The following PDXDC1 variants were observed in gnomAD, a reference collection of about 807,000 sequenced individuals.
PDXDC1 encodes pyridoxal dependent decarboxylase domain containing 1.
A neutral mutation model predicts 100.1 loss-of-function variants in PDXDC1; 42 were observed. That is an observed-to-expected ratio of 0.42 (90% CI 0.33 to 0.54). The LOEUF (loss-of-function observed/expected upper bound fraction) is 0.54. PDXDC1 is among the 20% of genes least tolerant of loss of function. The pLI, the probability that PDXDC1 is intolerant of heterozygous loss-of-function variation, is 0.10. For missense variants in PDXDC1, 636 were observed against 979.2 expected (o/e 0.65, Z 4.68); for synonymous variants, 260 against 371.7 (o/e 0.70, Z 3.46).
chr16:15,069,965 T>C (rs921376320), intron 16 of PDXDC1: 28 of 1,456,022 alleles, frequency 1.9e-5, no homozygotes, highest in Non-Finnish European at 1.8e-5. Context: ...CATGCAGTTT[T>C]CTGAATCCAG....
At chr16:15,104,601 G>C (rs779394782) in intron 16 of PDXDC1, 1 of 1,599,292 alleles carries the variant, frequency 6.3e-7, no homozygotes, top group Non-Finnish European at 8.5e-7. Context: ...CAGACACTCC[G>C]CAGGTGTCTT....
At chr16:15,146,481 G>A in the PDXDC1 span, among the ~76,000 whole-genome samples, 4 of 152,076 alleles carry the variant, frequency 2.6e-5, no homozygotes, top group Admixed American at 6.6e-5. Context: ...AGCCCCGCAC[G>A]TCTCACACAC....
intron 16 of PDXDC1, among the ~76,000 whole-genome samples, chr16:15,117,340 T>C (rs1164513635): frequency 7.9e-6 from 1 of 126,600 alleles, no homozygotes; most frequent in Non-Finnish European, 1.6e-5. Context: ...GTATGTACTT[T>C]CCAAAGTTAG....
At chr16:15,144,583 T>G in the PDXDC1 span, among the ~76,000 whole-genome samples, 1 of 151,954 alleles carries the variant, frequency 6.6e-6, no homozygotes, top group South Asian at 2.1e-4. Context: ...GGACACGGGG[T>G]GTGAGACTAG....
chr16:15,056,279 A>C (rs1026780726), intron 16 of PDXDC1, among the ~76,000 whole-genome samples: 7 of 152,186 alleles, frequency 4.6e-5, no homozygotes, highest in African/African-American at 1.4e-4. Flanking sequence ...AAAGCGTGGG[A>C]GTGAAGGAGC....
intron 8 of PDXDC1, among the ~76,000 whole-genome samples, chr16:15,013,337 A>C (rs1430956982): frequency 7.0e-6 from 1 of 143,178 alleles, no homozygotes; most frequent in East Asian, 2.3e-4. Flanking sequence ...CGACAGAGTG[A>C]GACCCTATCT....
At chr16:15,038,689 T>C, downstream of PDXDC1, 1 of 1,502,376 alleles carries the variant, frequency 6.7e-7, no homozygotes, top group Non-Finnish European at 9.2e-7. Flanking sequence ...GCTAATCATC[T>C]AAAAAAGAAC....
intron 3 of PDXDC1, among the ~76,000 whole-genome samples, chr16:14,999,533 A>T (rs1447537757): frequency 6.6e-6 from 1 of 152,210 alleles, no homozygotes; most frequent in Non-Finnish European, 1.5e-5. Flanking sequence ...ACATGGCGAG[A>T]CCCTATCAAA....
intron 16 of PDXDC1, among the ~76,000 whole-genome samples, chr16:15,070,556 G>C (rs2045179942): frequency 6.6e-6 from 1 of 152,088 alleles, no homozygotes; most frequent in Non-Finnish European, 1.5e-5. Flanking sequence ...CCCTCTTAAG[G>C]TGATTGGCCA....
chr16:15,063,664 C>T (rs1385426286), intron 16 of PDXDC1, among the ~76,000 whole-genome samples: 56 of 136,586 alleles, frequency 4.1e-4, no homozygotes, highest in Non-Finnish European at 5.0e-4. Context: ...GAGATCGCGC[C>T]ACTGCACTCC....
Position 15,006,477 on chromosome 16 carries a change from A to G in PDXDC1, c.473A>G (p.Tyr158Cys). The G allele has an allele frequency of 6.2e-7, 1 of 1,610,818 alleles. No individual in the cohort carries two copies. The highest frequency in any genetic ancestry group is 8.5e-7 in the Non-Finnish European group (1 of 1,177,522). Residue 158 changes from tyrosine to cysteine, a missense_variant, in exon 6 of 23, where the codon TAT becomes TGT. Around this residue, in one of 4 missense-constraint regions of PDXDC1, gnomAD observed 125 missense variants for 479.9 expected, o/e 0.26. Coordinates refer to ENST00000396410, the MANE Select transcript of PDXDC1 (RefSeq NM_015027.4). ...KICRLAIHSR[Y>C]EDFVVDGFNV... ...TGTAGGCTTGCCATTCATTCTCGAT[A>G]TGAAGACTTCGTAGTGGATGGCTTC...
downstream of PDXDC1, among the ~76,000 whole-genome samples, chr16:15,144,204 CAG>C (rs1029230900): frequency 1.1e-4 from 17 of 152,314 alleles, no homozygotes; most frequent in Admixed American, 8.5e-4. Context: ...CTGGAGAGGA[CAG>C]GGGACAGGCA....
At chr16:15,085,179 C>T (rs34318650) in intron 16 of PDXDC1, among the ~76,000 whole-genome samples, 15 of 152,270 alleles carry the variant, frequency 9.9e-5, no homozygotes, top group African/African-American at 2.2e-4. Flanking sequence ...CCAGCATCAA[C>T]GAAAATTAAA....
chr16:15,079,641 G>A (rs2045613181), intron 16 of PDXDC1, among the ~76,000 whole-genome samples: 1 of 151,296 alleles, frequency 6.6e-6, no homozygotes, highest in South Asian at 2.1e-4. Flanking sequence ...CGCCCAGGCT[G>A]GAGTGCAGTG....
At chr16:15,134,145 C>T (rs1414628498) in intron 16 of PDXDC1, 50 of 1,245,394 alleles carry the variant, frequency 4.0e-5, no homozygotes, top group Non-Finnish European at 4.9e-5. Flanking sequence ...CTGCAGGCCC[C>T]GTCCCCTCGG....
intron 14 of PDXDC1, among the ~76,000 whole-genome samples, chr16:15,028,430 G>A (rs1238518905): frequency 6.6e-6 from 1 of 152,278 alleles, no homozygotes; most frequent in East Asian, 1.9e-4. Flanking sequence ...CTTTCTTTAT[G>A]GTCTGTTTCC....
chr16:14,984,685 C>T (rs1417433126), intron 1 of PDXDC1, among the ~76,000 whole-genome samples: 7 of 151,664 alleles, frequency 4.6e-5, no homozygotes, highest in Admixed American at 2.6e-4. Context: ...TTAGTAGAGA[C>T]GAGATTTCAC....
At chr16:15,005,710 A>AT (rs1176193494) in intron 5 of PDXDC1, among the ~76,000 whole-genome samples, 8 of 152,254 alleles carry the variant, frequency 5.3e-5, no homozygotes, top group Non-Finnish European at 1.2e-4. Flanking sequence ...TAGCTTTTTT[A>AT]TTTTTTTGAG....
intron 16 of PDXDC1, among the ~76,000 whole-genome samples, chr16:15,132,014 ATAAGGGG>A: frequency 3.9e-4 from 2 of 5,160 alleles, no homozygotes; most frequent in South Asian, 0.023. Flanking sequence ...GGGAAGGGGG[ATAAGGGG>A]ATAAGGGAGG....
Sources: gnomAD v4.1 joint callset for allele counts (sites outside exome capture counted in the v4.1 genomes callset) on GRCh38, gnomAD v4.1.1 for gene constraint, gnomAD v4.1.1 regional missense constraint, MANE v1.5 for transcripts, NCBI Gene and HGNC (gene_info 2026-07-23, HGNC 2026-07-21) for gene names.